The following RDM1 variants were observed in gnomAD, a reference collection of about 807,000 sequenced individuals.
RDM1 encodes RAD52 motif-containing protein 1.
A neutral mutation model predicts 27.7 loss-of-function variants in RDM1; 28 were observed. The observed-to-expected ratio is 1.01, with a 90% confidence interval of 0.75 to 1.39. The LOEUF (loss-of-function observed/expected upper bound fraction) is 1.39. Among genes scored for constraint, RDM1 ranks in the 40% most tolerant of loss-of-function variants. RDM1 has a pLI of 0.00. For synonymous variants in RDM1, 124 were observed against 127.5 expected (o/e 0.97, Z 0.19); for missense variants, 277 against 337.3 (o/e 0.82, Z 1.40).
intron 2 of RDM1, among the ~76,000 whole-genome samples, chr17:35,929,263 AT>A (rs1257228860): frequency 6.6e-6 from 1 of 152,016 alleles, no homozygotes; most frequent in Non-Finnish European, 1.5e-5. Flanking sequence ...GATTTCATTC[AT>A]TCAGTCATTT....
chr17:35,919,653 C>T (rs1483100821), intron 6 of RDM1, among the ~76,000 whole-genome samples: 1 of 152,166 alleles, frequency 6.6e-6, no homozygotes, highest in Non-Finnish European at 1.5e-5. Flanking sequence ...GAACCACCAT[C>T]ATATATGTGG....
intron 4 of RDM1, among the ~76,000 whole-genome samples, chr17:35,923,457 A>G (rs2089024271): frequency 6.6e-6 from 1 of 151,598 alleles, no homozygotes; most frequent in African/African-American, 2.4e-5. Flanking sequence ...GGAGTTTGAG[A>G]GTAGCCTGGG....
intron 4 of RDM1, among the ~76,000 whole-genome samples, chr17:35,923,951 T>C (rs1485850134): frequency 6.6e-6 from 1 of 152,096 alleles, no homozygotes; most frequent in Non-Finnish European, 1.5e-5. Context: ...TGGTGGCTCA[T>C]GCCTATAACC....
chr17:35,921,014 C>G (rs2088926989), intron 5 of RDM1, among the ~76,000 whole-genome samples: 1 of 152,128 alleles, frequency 6.6e-6, no homozygotes, highest in African/African-American at 2.4e-5. Flanking sequence ...GGTGTCTACT[C>G]CTTTTGAACC....
intron 2 of RDM1, 79 bp downstream of exon 2, chr17:35,929,997 C>T (rs1322255526): frequency 2.4e-6 from 3 of 1,258,750 alleles, no homozygotes; most frequent in Admixed American, 4.3e-5. Context: ...TGTAAACCAG[C>T]GTGCTGGACA....
At chr17:35,923,020 A>T (rs1483491511) in intron 4 of RDM1, among the ~76,000 whole-genome samples, 1 of 152,164 alleles carries the variant, frequency 6.6e-6, no homozygotes, top group Admixed American at 6.5e-5. Context: ...CACTCATCGA[A>T]AAAGGTTTGG....
chr17:35,918,146 C>G lies in RDM1; in HGVS notation c.*196G>C. The stretch of plus-strand genomic sequence containing the variant: ...TCCTCGTCACCAGGGCGATCTTATC[C>G]CACAATCCTACCCAAGCCTCCCTTC... On this transcript the variant is annotated 3_prime_UTR_variant, in exon 7 of 7. Coordinates refer to ENST00000620284, the MANE Select transcript of RDM1 (RefSeq NM_145654.4). 1 of 596,544 alleles carries G rather than the reference C, an allele frequency of 1.7e-6. No homozygotes were observed. Among genetic ancestry groups the G allele is most frequent in the Non-Finnish European group, 3.0e-6 (1 of 334,052 alleles). The allele number at this position is 596,544 out of a possible 1,614,324, so 37.0% of individuals were successfully genotyped here.
Position 35,925,511 on chromosome 17 carries a change from T to G in RDM1, c.399+4A>C. ...GTAAGTGAAAAAAAATCTACAAGGT[T>G]TACCTTGATGATCCTTTTGGAACAC... On this transcript the variant is annotated splice_donor_region_variant and intron_variant, in intron 3 of 6. Transcript: ENST00000620284. 1 of 1,612,616 alleles carries G rather than the reference T, an allele frequency of 6.2e-7. No individual in the cohort carries two copies. Among genetic ancestry groups the G allele is most frequent in the Non-Finnish European group, 8.5e-7 (1 of 1,179,932 alleles).
At chr17:35,919,733 A>G (rs535406787) in intron 6 of RDM1, among the ~76,000 whole-genome samples, 2 of 152,350 alleles carry the variant, frequency 1.3e-5, no homozygotes, top group African/African-American at 4.8e-5. Flanking sequence ...TCTCAGCAAA[A>G]TATTCTACCC....
chr17:35,925,665 A>G, intron 2 of RDM1, 28 bp from the exon 3 acceptor site: 2 of 1,587,614 alleles, frequency 1.3e-6, no homozygotes, highest in African/African-American at 1.3e-5. Flanking sequence ...AGACCCATAA[A>G]TATCACAACC....
chr17:35,930,538 C>A, intron 1 of RDM1, 94 bp downstream of exon 1: 1 of 1,209,788 alleles, frequency 8.3e-7, no homozygotes, highest in Admixed American at 2.2e-5. Flanking sequence ...AGCGGAGGCT[C>A]AGGCAGGTGA....
Position 35,922,568 on chromosome 17 carries a change from C to T in RDM1, c.667+9G>A, listed in dbSNP as rs1221634742. ...TGAAGTACTTCAAGGATGATCAAGACAGTCTTACCTAGAACAACAATCAAC... is the reference window on the plus strand; with the variant it reads ...TGAAGTACTTCAAGGATGATCAAGATAGTCTTACCTAGAACAACAATCAAC... On this transcript the variant is annotated intron_variant, in intron 5 of 6. Transcript: ENST00000620284. The T allele has an allele frequency of 1.9e-6, 3 of 1,609,276 alleles. No individual in the cohort carries two copies. The highest frequency in any genetic ancestry group is 2.5e-6 in the Non-Finnish European group (3 of 1,178,856).
At chr17:35,922,810 G>T in intron 4 of RDM1, 135 bp from the exon 5 acceptor site, 1 of 654,854 alleles carries the variant, frequency 1.5e-6, no homozygotes, top group Non-Finnish European at 2.5e-6. Flanking sequence ...CAAGCGTATG[G>T]TTGAATGGCT....
intron 2 of RDM1, among the ~76,000 whole-genome samples, chr17:35,927,517 G>C (rs2089194219): frequency 6.6e-6 from 1 of 152,036 alleles, no homozygotes; most frequent in African/African-American, 2.4e-5. Flanking sequence ...GGTGCCTTAG[G>C]CCTTTCCTTG....
chr17:35,925,394 T>C, intron 3 of RDM1, 121 bp downstream of exon 3: 2 of 1,029,220 alleles, frequency 1.9e-6, no homozygotes, highest in East Asian at 2.5e-5. Flanking sequence ...CAATTTATCC[T>C]CAATGGTAGA....
At chr17:35,919,852 A>G (rs962861396) in intron 6 of RDM1, among the ~76,000 whole-genome samples, 8 of 152,162 alleles carry the variant, frequency 5.3e-5, no homozygotes, top group African/African-American at 1.9e-4. Context: ...CTTTCTCCCC[A>G]TATCTCTGGG....
intron 6 of RDM1, among the ~76,000 whole-genome samples, chr17:35,919,334 C>T (rs1313061206): frequency 2.6e-5 from 4 of 152,054 alleles, no homozygotes; most frequent in East Asian, 1.9e-4. Flanking sequence ...TACAGTCATG[C>T]GTTGCTTGCC....
Position 35,924,760 on chromosome 17 carries a change from A to G in RDM1, c.412T>C (p.Ser138Pro), listed in dbSNP as rs2089075689. The part of the protein sequence containing the change: ...SKRIIKLQEL[S>P]DLEERENEDS... ...TCATTTTCCCTTTCTTCAAGGTCAG[A>G]AAGCTCCTGAAGCTGTAAGGATATT... The change falls in exon 4 of 7, where the codon TCT becomes CCT. Residue 138 changes from serine (S) to proline (P), a missense_variant. Physicochemically the swap from Ser to Pro is moderately conservative, Grantham distance 74. Coordinates refer to ENST00000620284, the MANE Select transcript of RDM1 (RefSeq NM_145654.4). 1 of 1,613,962 alleles carries G rather than the reference A, an allele frequency of 6.2e-7. No individual in the cohort carries two copies. Among genetic ancestry groups the G allele is most frequent in the Non-Finnish European group, 8.5e-7 (1 of 1,179,944 alleles).
At chr17:35,920,058 T>C in intron 6 of RDM1, 129 bp downstream of exon 6, 1 of 542,136 alleles carries the variant, frequency 1.8e-6, no homozygotes, top group Non-Finnish European at 3.3e-6. Context: ...AGAAATACTC[T>C]GCACTCAAAA....
Sources: gnomAD v4.1 joint callset for allele counts (sites outside exome capture counted in the v4.1 genomes callset) on GRCh38, gnomAD v4.1.1 for gene constraint, MANE v1.5 for transcripts, NCBI Gene and HGNC (gene_info 2026-07-23, HGNC 2026-07-21) for gene names.